Variants in RPS6KC1 observed in about 807,000 individuals in gnomAD.
The protein encoded by RPS6KC1 is ribosomal protein S6 kinase C1.
RPS6KC1 carries 54 observed loss-of-function variants against 103.8 expected under a neutral mutation model. The ratio of observed to expected loss-of-function variants is 0.52; its 90% confidence interval spans 0.42 to 0.65. The LOEUF is 0.65. Among genes scored for constraint, RPS6KC1 ranks in the 30% least tolerant of loss-of-function variants. The pLI is 0.00. For synonymous variants in RPS6KC1, 439 were observed against 438.7 expected, an observed-to-expected ratio of 1.00 and a Z score of -0.01; for missense variants, 1,151 against 1,253.8, an observed-to-expected ratio of 0.92 and a Z score of 1.24.
chr1:213,694,840 T>G, the RPS6KC1 span, among the ~76,000 whole-genome samples: 1 of 152,168 alleles, frequency 6.6e-6, no homozygotes, highest in African/African-American at 2.4e-5. Flanking sequence ...CAACAAGCAT[T>G]TGTTGAACAT....
At chr1:213,243,462 C>T (rs1303774623) in intron 12 of RPS6KC1, among the ~76,000 whole-genome samples, 2 of 152,102 alleles carry the variant, frequency 1.3e-5, no homozygotes, top group East Asian at 3.9e-4. Flanking sequence ...TAGTGATGTG[C>T]CAACCTGGCA....
chr1:213,283,964 T>C, the RPS6KC1 span, among the ~76,000 whole-genome samples: 1 of 151,710 alleles, frequency 6.6e-6, no homozygotes, highest in African/African-American at 2.4e-5. Flanking sequence ...AGAATCAACA[T>C]TAAGTGCCAC....
chr1:213,619,336 CCTACT>C, the RPS6KC1 span, among the ~76,000 whole-genome samples: 1 of 152,214 alleles, frequency 6.6e-6, no homozygotes, highest in South Asian at 2.1e-4. Flanking sequence ...CCTAGAAGTA[CCTACT>C]CTACACAGCA....
chr1:213,607,728 A>AC, the RPS6KC1 span, among the ~76,000 whole-genome samples: 4 of 86,828 alleles, frequency 4.6e-5, no homozygotes, highest in African/African-American at 8.1e-5. Flanking sequence ...CACACACACA[A>AC]AATAAATAAA....
chr1:213,235,691 G>A (rs2494767), intron 10 of RPS6KC1, among the ~76,000 whole-genome samples: 111,039 of 152,030 alleles, frequency 0.73, 41,388 homozygotes, highest in African/African-American at 0.88. Context: ...AGCAGTAGGA[G>A]GAATGCTTAG....
the RPS6KC1 span, among the ~76,000 whole-genome samples, chr1:213,585,888 C>G: frequency 1.3e-5 from 2 of 152,136 alleles, no homozygotes; most frequent in African/African-American, 2.4e-5. Context: ...GGCCCAGGAG[C>G]TGTGTTTTCT....
the RPS6KC1 span, among the ~76,000 whole-genome samples, chr1:213,697,917 T>C: frequency 1.3e-5 from 2 of 152,320 alleles, no homozygotes; most frequent in East Asian, 1.9e-4. Context: ...ATGATGATCT[T>C]AGCTTGCCTT....
the RPS6KC1 span, among the ~76,000 whole-genome samples, chr1:213,829,106 G>A: frequency 6.6e-6 from 1 of 152,076 alleles, no homozygotes; most frequent in African/African-American, 2.4e-5. Context: ...GAATCTTGTA[G>A]TCCCGACGAA....
At chr1:213,299,349 C>T in the RPS6KC1 span, among the ~76,000 whole-genome samples, 1 of 152,218 alleles carries the variant, frequency 6.6e-6, no homozygotes, top group African/African-American at 2.4e-5. Flanking sequence ...GTCAGGAGTT[C>T]AAGACCAGCC....
chr1:213,112,523 G>A (rs1014861775), intron 4 of RPS6KC1, among the ~76,000 whole-genome samples: 1 of 150,586 alleles, frequency 6.6e-6, no homozygotes, highest in Non-Finnish European at 1.5e-5. Context: ...TACCTATATT[G>A]TATACAAGTG....
the RPS6KC1 span, among the ~76,000 whole-genome samples, chr1:213,291,880 G>A: frequency 1.3e-5 from 2 of 152,144 alleles, no homozygotes; most frequent in Non-Finnish European, 2.9e-5. Context: ...ATGGTTTTAG[G>A]TCTAACGTTT....
the RPS6KC1 span, among the ~76,000 whole-genome samples, chr1:213,732,055 T>C: frequency 6.6e-6 from 1 of 152,158 alleles, no homozygotes; most frequent in African/African-American, 2.4e-5. Context: ...TGAGAGGCTG[T>C]GATGTAATAT....
chr1:213,561,138 G>A, the RPS6KC1 span, among the ~76,000 whole-genome samples: 7 of 152,100 alleles, frequency 4.6e-5, no homozygotes, highest in Admixed American at 3.3e-4. Flanking sequence ...TCAAATATAC[G>A]TCTACTCGGG....
chr1:213,182,027 A>G (rs2092295242), intron 8 of RPS6KC1, among the ~76,000 whole-genome samples: 1 of 152,220 alleles, frequency 6.6e-6, no homozygotes, highest in African/African-American at 2.4e-5. Context: ...TTATGCAGAG[A>G]AAATATTTAA....
At chr1:213,224,674 A>G (rs1433509955) in intron 8 of RPS6KC1, among the ~76,000 whole-genome samples, 5 of 152,210 alleles carry the variant, frequency 3.3e-5, no homozygotes, top group Non-Finnish European at 7.3e-5. Flanking sequence ...AAGGTGAGCA[A>G]ACCCATGAGC....
chr1:213,803,532 C>A, the RPS6KC1 span, among the ~76,000 whole-genome samples: 4 of 152,136 alleles, frequency 2.6e-5, no homozygotes, highest in Non-Finnish European at 4.4e-5. Context: ...CAGGCATGAG[C>A]CCCCACACCC....
At chr1:213,218,846 C>G (rs2093742496) in intron 8 of RPS6KC1, among the ~76,000 whole-genome samples, 1 of 152,168 alleles carries the variant, frequency 6.6e-6, no homozygotes, top group Non-Finnish European at 1.5e-5. Context: ...GGATCCCTTC[C>G]TTACACCTTA....
chr1:213,473,992 G>A, the RPS6KC1 span, among the ~76,000 whole-genome samples: 10 of 152,262 alleles, frequency 6.6e-5, 1 homozygote, highest in South Asian at 2.1e-3. Flanking sequence ...CCTCCAGCCC[G>A]AATCTAAGAA....
chr1:213,558,689 C>T, the RPS6KC1 span, among the ~76,000 whole-genome samples: 1 of 152,146 alleles, frequency 6.6e-6, no homozygotes, highest in African/African-American at 2.4e-5. Context: ...AAAGTTTCTC[C>T]ATACATAGTG....
Sources: allele counts gnomAD v4.1 joint callset (sites outside exome capture counted in the v4.1 genomes callset), GRCh38; gene constraint gnomAD v4.1.1; transcripts MANE v1.5; gene names NCBI Gene and HGNC (gene_info 2026-07-23, HGNC 2026-07-21).